Variants in MGAT4C observed in about 807,000 individuals in gnomAD.
The protein encoded by MGAT4C is MGAT4 family member C, also known as alpha-1,3-mannosyl-glycoprotein 4-beta-N-acetylglucosaminyltransferase C.
In MGAT4C, 19 loss-of-function variants were observed where a neutral mutation model predicts 40.1. The observed-to-expected ratio is 0.47, with a 90% CI of 0.33 to 0.70. MGAT4C has a LOEUF of 0.70. Among genes scored for constraint, MGAT4C ranks in the 30% least tolerant of loss-of-function variants. The pLI is 0.02. For synonymous variants in MGAT4C, 181 were observed against 187.1 expected, an observed-to-expected ratio of 0.97 and a Z score of 0.27; for missense variants, 491 against 563.2, an observed-to-expected ratio of 0.87 and a Z score of 1.30.
At chr12:86,639,602 T>C (rs191974467) in intron 2 of MGAT4C, among the ~76,000 whole-genome samples, 1 of 151,864 alleles carries the variant, frequency 6.6e-6, no homozygotes, top group East Asian at 1.9e-4. Context: ...AGTTCTTTGA[T>C]TGCCAAGAAT....
At chr12:86,543,042 G>A (rs1050414109) in intron 2 of MGAT4C, among the ~76,000 whole-genome samples, 1 of 151,596 alleles carries the variant, frequency 6.6e-6, no homozygotes, top group African/African-American at 2.4e-5. Context: ...CTTTTATTTT[G>A]CTAATCCCTA....
intron 1 of MGAT4C, among the ~76,000 whole-genome samples, chr12:86,097,761 G>A (rs1874209744): frequency 6.6e-6 from 1 of 151,478 alleles, no homozygotes; most frequent in East Asian, 1.9e-4. Flanking sequence ...GTAATTTTAT[G>A]ATAAATTTTA....
chr12:86,007,990 A>G (rs1450643102), intron 2 of MGAT4C, among the ~76,000 whole-genome samples: 1 of 151,398 alleles, frequency 6.6e-6, no homozygotes, highest in African/African-American at 2.4e-5. Flanking sequence ...ATGTGTGGTT[A>G]TATGTTTGAA....
chr12:85,997,032 C>T (rs1230902604), intron 2 of MGAT4C, among the ~76,000 whole-genome samples: 1 of 152,118 alleles, frequency 6.6e-6, no homozygotes, highest in Non-Finnish European at 1.5e-5. Context: ...AAGATATACC[C>T]AAGACAGGGC....
chr12:86,112,635 A>G (rs1224041532), intron 1 of MGAT4C, among the ~76,000 whole-genome samples: 2 of 151,806 alleles, frequency 1.3e-5, no homozygotes, highest in African/African-American at 2.4e-5. Flanking sequence ...ATGACCAACG[A>G]AGTATTAACT....
chr12:86,309,302 AC>A (rs1256718105), intron 4 of MGAT4C, among the ~76,000 whole-genome samples: 6 of 152,232 alleles, frequency 3.9e-5, no homozygotes, highest in Admixed American at 3.9e-4. Context: ...GTTGCCAAAT[AC>A]AAGTGCCCTA....
chr12:86,653,375 T>A (rs1963749742), intron 2 of MGAT4C, among the ~76,000 whole-genome samples: 2 of 151,864 alleles, frequency 1.3e-5, no homozygotes, highest in African/African-American at 4.8e-5. Context: ...AAACTGTCCA[T>A]TCCACAACCA....
At chr12:86,061,106 C>G (rs1031144384) in intron 1 of MGAT4C, among the ~76,000 whole-genome samples, 2 of 152,084 alleles carry the variant, frequency 1.3e-5, no homozygotes, top group African/African-American at 4.8e-5. Context: ...TCTGCAGCTC[C>G]CAGCAAGATC....
intron 2 of MGAT4C, among the ~76,000 whole-genome samples, chr12:86,041,883 G>T (rs933809712): frequency 6.6e-6 from 1 of 152,048 alleles, no homozygotes; most frequent in Non-Finnish European, 1.5e-5. Context: ...TTTCTGCTTC[G>T]ATGATCTCCC....
intron 2 of MGAT4C, among the ~76,000 whole-genome samples, chr12:86,621,616 C>G (rs1003447880): frequency 1.5e-4 from 23 of 152,060 alleles, no homozygotes; most frequent in Non-Finnish European, 4.4e-5. Context: ...GTAGCTGGGA[C>G]TACAGGTGCA....
intron 3 of MGAT4C, among the ~76,000 whole-genome samples, chr12:86,337,388 G>A (rs542814966): frequency 8.6e-5 from 13 of 151,914 alleles, no homozygotes; most frequent in Non-Finnish European, 1.5e-4. Flanking sequence ...CTTGAGCCTA[G>A]GAGTTCAAGA....
intron 2 of MGAT4C, among the ~76,000 whole-genome samples, chr12:85,990,695 TAA>T (rs776516583): frequency 1.6e-4 from 25 of 152,312 alleles, no homozygotes; most frequent in South Asian, 4.1e-4. Context: ...TTAATAATTA[TAA>T]GTCTAAAAAT....
At chr12:86,234,393 A>T (rs1462342553) in intron 1 of MGAT4C, among the ~76,000 whole-genome samples, 1 of 152,178 alleles carries the variant, frequency 6.6e-6, no homozygotes, top group Non-Finnish European at 1.5e-5. Context: ...GTGGATATTT[A>T]TTGAAGAATG....
At chr12:86,041,051 A>C (rs1411599543) in intron 2 of MGAT4C, among the ~76,000 whole-genome samples, 1 of 152,000 alleles carries the variant, frequency 6.6e-6, no homozygotes, top group Non-Finnish European at 1.5e-5. Context: ...CGGGTACCTT[A>C]GTTGGAAATG....
intron 1 of MGAT4C, among the ~76,000 whole-genome samples, chr12:86,077,519 C>T (rs956578325): frequency 6.6e-6 from 1 of 152,192 alleles, no homozygotes; most frequent in African/African-American, 2.4e-5. Context: ...CAATTACAGT[C>T]CTCATTTCTG....
At chr12:86,051,181 G>A (rs2136968287) in intron 1 of MGAT4C, among the ~76,000 whole-genome samples, 1 of 152,092 alleles carries the variant, frequency 6.6e-6, no homozygotes, top group South Asian at 2.1e-4. Context: ...AACAGCATTG[G>A]TTTTGAAAAT....
chr12:86,630,783 C>T (rs1963007262), intron 2 of MGAT4C, among the ~76,000 whole-genome samples: 1 of 152,070 alleles, frequency 6.6e-6, no homozygotes, highest in South Asian at 2.1e-4. Context: ...ATGACAAGCC[C>T]ACAGCCAGTA....
intron 2 of MGAT4C, among the ~76,000 whole-genome samples, chr12:86,704,772 T>C (rs181153899): frequency 2.6e-5 from 4 of 152,294 alleles, no homozygotes; most frequent in Non-Finnish European, 4.4e-5. Flanking sequence ...CCAGCAAGTC[T>C]GTATGAAGGA....
chr12:86,708,708 A>G (rs1040060830), intron 2 of MGAT4C, among the ~76,000 whole-genome samples: 5 of 152,194 alleles, frequency 3.3e-5, no homozygotes, highest in South Asian at 2.1e-4. Flanking sequence ...TATATGAGAC[A>G]AGGAGTCAAA....
Sources: allele counts gnomAD v4.1 joint callset (sites outside exome capture counted in the v4.1 genomes callset), GRCh38; gene constraint gnomAD v4.1.1; transcripts MANE v1.5; gene names NCBI Gene and HGNC (gene_info 2026-07-23, HGNC 2026-07-21).